Variants in DPY19L2 observed in about 807,000 individuals in gnomAD.
DPY19L2 encodes dpy-19 like 2.
A neutral mutation model predicts 97.9 loss-of-function variants in DPY19L2; 34 were observed. The ratio of observed to expected loss-of-function variants is 0.35; its 90% CI spans 0.26 to 0.46. DPY19L2 has a LOEUF of 0.46. Ranked by LOEUF, DPY19L2 falls within the 20% of genes least tolerant of loss-of-function variation. The probability of loss-of-function intolerance (pLI) is 1.00; values close to 1 mark genes in which losing one functional copy is unlikely to be tolerated. For missense variants in DPY19L2, 623 were observed against 911.4 expected (o/e 0.68, Z 4.07); for synonymous variants, 230 against 307.9 (o/e 0.75, Z 2.65).
At chr12:63,667,245 T>C (rs1207606455) in intron 1 of DPY19L2, among the ~76,000 whole-genome samples, 1 of 152,182 alleles carries the variant, frequency 6.6e-6, no homozygotes, top group Non-Finnish European at 1.5e-5. Context: ...TATATTTGTA[T>C]CCTATTTCTA....
At chr12:63,666,427 C>CA (rs1340280520) in intron 1 of DPY19L2, 1 of 360,294 alleles carries the variant, frequency 2.8e-6, no homozygotes, top group Non-Finnish European at 5.4e-6. Context: ...AGTCTGGAGT[C>CA]ACCTGTGCCA....
At chr12:63,635,796 G>A (rs1026927854) in intron 6 of DPY19L2, among the ~76,000 whole-genome samples, 4 of 152,150 alleles carry the variant, frequency 2.6e-5, no homozygotes, top group Admixed American at 6.5e-5. Context: ...CCAAATCTAC[G>A]GCTGATCGGT....
intron 16 of DPY19L2, among the ~76,000 whole-genome samples, chr12:63,591,869 G>A (rs759343988): frequency 1.1e-4 from 16 of 150,226 alleles, no homozygotes; most frequent in African/African-American, 2.9e-4. Flanking sequence ...GCGTGAGTCC[G>A]GGATGTCCAG....
chr12:63,596,451 G>C (rs901788123), intron 14 of DPY19L2, among the ~76,000 whole-genome samples: 2 of 152,150 alleles, frequency 1.3e-5, no homozygotes, highest in African/African-American at 4.8e-5. Flanking sequence ...CAAAGTTAAT[G>C]ACTAAAACTA....
chr12:63,635,467 A>G (rs1279946940), intron 6 of DPY19L2, among the ~76,000 whole-genome samples: 3 of 152,142 alleles, frequency 2.0e-5, no homozygotes, highest in African/African-American at 7.2e-5. Context: ...GTTTCAGACG[A>G]TCGGTAACAA....
At chr12:63,648,383 G>C (rs1014134053) in intron 4 of DPY19L2, among the ~76,000 whole-genome samples, 2 of 149,032 alleles carry the variant, frequency 1.3e-5, no homozygotes, top group African/African-American at 4.9e-5. Context: ...TACCCATACC[G>C]TATAAACAAA....
intron 2 of DPY19L2, 55 bp from the exon 3 acceptor site, chr12:63,663,900 T>C (rs1896002713): frequency 3.4e-6 from 4 of 1,167,712 alleles, no homozygotes; most frequent in Non-Finnish European, 5.0e-6. Flanking sequence ...AAACTAACAG[T>C]AAAATAAGCA....
Position 63,661,450 on chromosome 12 carries a change from A to C in DPY19L2, c.482T>G (p.Ile161Ser), listed in dbSNP as rs529589708. Reference protein sequence around the residue: ...GLYYSYFKTIIEAPSFLEGLW... With the variant: ...GLYYSYFKTISEAPSFLEGLW... ...TCCTTCCAAAAACGAAGGTGCTTCA[A>C]TAATGGTCTTGAAGTATGAATAATA... Residue 161 changes from isoleucine to serine, a missense_variant, in exon 4 of 22, where the codon ATT becomes AGT. Physicochemically the swap from Ile to Ser is moderately radical, Grantham distance 142. This residue lies in a region of DPY19L2 where 84 missense variants were observed against 125.4 expected (regional missense o/e 0.67). Transcript: ENST00000324472. The C allele has an allele frequency of 1.3e-6, 2 of 1,599,786 alleles. No individual in the cohort carries two copies. Among genetic ancestry groups the C allele is most frequent in the South Asian group, 2.3e-5 (2 of 87,678 alleles).
chr12:63,596,437 T>C (rs1038709967), intron 14 of DPY19L2, among the ~76,000 whole-genome samples: 11 of 152,286 alleles, frequency 7.2e-5, no homozygotes, highest in African/African-American at 2.6e-4. Flanking sequence ...GAAAGAACGC[T>C]AACCAAAGTT....
At chr12:63,614,372 C>T (rs537323489) in intron 11 of DPY19L2, among the ~76,000 whole-genome samples, 1 of 151,942 alleles carries the variant, frequency 6.6e-6, no homozygotes, top group Non-Finnish European at 1.5e-5. Flanking sequence ...GAGATAACGA[C>T]ATAAAGACTG....
At chr12:63,638,692 C>A (rs145878251) in intron 6 of DPY19L2, among the ~76,000 whole-genome samples, 11 of 152,090 alleles carry the variant, frequency 7.2e-5, no homozygotes, top group African/African-American at 2.7e-4. Flanking sequence ...CACTGCTCAA[C>A]GAAATCAAAG....
chr12:63,632,602 G>A (rs1452777028), intron 6 of DPY19L2, among the ~76,000 whole-genome samples: 3 of 152,106 alleles, frequency 2.0e-5, no homozygotes, highest in Non-Finnish European at 2.9e-5. Flanking sequence ...ATGCTCATGG[G>A]TAGGAAGAAT....
chr12:63,628,521 G>A (rs1363945077), intron 6 of DPY19L2, among the ~76,000 whole-genome samples: 3 of 152,076 alleles, frequency 2.0e-5, no homozygotes, highest in African/African-American at 7.2e-5. Context: ...GATGGGGGAG[G>A]GGCACCCACC....
intron 16 of DPY19L2, among the ~76,000 whole-genome samples, chr12:63,588,952 A>G (rs1882334764): frequency 6.6e-6 from 1 of 151,760 alleles, no homozygotes; most frequent in African/African-American, 2.4e-5. Context: ...ACGGGGTTTC[A>G]CCATGTTAGC....
chr12:63,650,066 C>A (rs560726714), intron 4 of DPY19L2, among the ~76,000 whole-genome samples: 12 of 151,944 alleles, frequency 7.9e-5, no homozygotes, highest in Admixed American at 6.6e-4. Flanking sequence ...CTAAAAAAAA[C>A]CCCACATGAT....
At chr12:63,643,175 T>C (rs1892939138) in intron 6 of DPY19L2, among the ~76,000 whole-genome samples, 1 of 152,090 alleles carries the variant, frequency 6.6e-6, no homozygotes, top group Admixed American at 6.5e-5. Context: ...AAAATTTTTC[T>C]AGATACATGA....
At chr12:63,564,213 T>C (rs1460927637) in intron 21 of DPY19L2, among the ~76,000 whole-genome samples, 2 of 152,182 alleles carry the variant, frequency 1.3e-5, no homozygotes, top group Middle Eastern at 3.2e-3. Context: ...TTTTCCCTGT[T>C]TTAGGAGGAA....
In DPY19L2 at chr12:63,582,777, C is replaced by A. The variant is rs186031881; in HGVS notation, c.1606-252G>T. On this transcript the variant is annotated intron_variant, in intron 17 of 21. Coordinates refer to ENST00000324472, the MANE Select transcript of DPY19L2 (RefSeq NM_173812.5). ...ACTACATTTAGTAATGAAAGACAGA[C>A]AATACATAGAAATAGCAAATAAATA... 2.1e-3 allele frequency among the ~76,000 whole-genome samples: 312 copies of A among 152,092 alleles called. 1 individual carries two copies. Among genetic ancestry groups the A allele is most frequent in the African/African-American group, 7.3e-3 (303 of 41,464 alleles).
At chr12:63,629,787 C>T (rs1293261127) in intron 6 of DPY19L2, among the ~76,000 whole-genome samples, 1 of 152,050 alleles carries the variant, frequency 6.6e-6, no homozygotes, top group Non-Finnish European at 1.5e-5. Flanking sequence ...AATGGAAATG[C>T]AGGAAAAACT....
Sources: gnomAD v4.1 joint callset for allele counts (sites outside exome capture counted in the v4.1 genomes callset) on GRCh38, gnomAD v4.1.1 for gene constraint, gnomAD v4.1.1 regional missense constraint, MANE v1.5 for transcripts, NCBI Gene and HGNC (gene_info 2026-07-23, HGNC 2026-07-21) for gene names.